SETD1B: variants seen among roughly 807,000 people sequenced by gnomAD.
SETD1B encodes histone-lysine N-methyltransferase SETD1B.
Under a neutral mutation model 148.0 loss-of-function variants are expected in SETD1B, and 7 were observed. The observed-to-expected ratio is 0.05, with a 90% CI of 0.03 to 0.09. The LOEUF is 0.09. Among genes scored for constraint, SETD1B ranks in the 10% least tolerant of loss-of-function variants. The pLI is 1.00. For missense variants in SETD1B, 2,155 were observed against 2,729.9 expected (o/e 0.79, Z 4.69); for synonymous variants, 1,361 against 1,186.5 (o/e 1.15, Z -3.02).
the SETD1B span, chr12:121,797,593 G>A: frequency 2.2e-6 from 1 of 456,578 alleles, no homozygotes; most frequent in Middle Eastern, 3.3e-4. Flanking sequence ...ACAGCTCACT[G>A]ATTGGATCCA....
intron 13 of SETD1B, among the ~76,000 whole-genome samples, chr12:121,826,724 C>T (rs557821492): frequency 9.9e-4 from 151 of 152,054 alleles, no homozygotes; most frequent in Non-Finnish European, 1.9e-3. Context: ...CCGGATGTGC[C>T]GGACTTAGCT....
intron 10 of SETD1B, 46 bp from the exon 11 acceptor site, chr12:121,819,358 G>A (rs1227530562): frequency 1.9e-6 from 3 of 1,549,418 alleles, no homozygotes; most frequent in South Asian, 1.2e-5. Flanking sequence ...GGGGGCTGGG[G>A]CACAGCGGGT....
chr12:121,825,221 A>T lies in SETD1B; in HGVS notation c.5192A>T (p.Lys1731Met). 6.4e-7 allele frequency: 1 copy of T among 1,551,640 alleles called. No individual in the cohort carries two copies. Among genetic ancestry groups the T allele is most frequent in the Non-Finnish European group, 8.7e-7 (1 of 1,146,996 alleles). ...YHPSTSLSSA[K>M]KKKRDDGIRE... ...CCACCCACCAGCCTCTCTTCAGCTA[A>T]GAAGAAGAAACGGGACGATGGCATC... The change falls in exon 13 of 17, where the codon AAG (lysine) becomes ATG (methionine). Residue 1731 changes from lysine to methionine, a missense_variant. Physicochemically the swap from Lys to Met is moderately conservative, Grantham distance 95. Around this residue, in one of 11 missense-constraint regions of SETD1B, gnomAD observed 96 missense variants for 148.7 expected, o/e 0.65. Coordinates refer to ENST00000604567, the MANE Select transcript of SETD1B (RefSeq NM_001353345.2).
rs1876672659 is a variant in SETD1B at position 121,823,327 on chromosome 12, C to T, written c.4748C>T (p.Pro1583Leu). The T allele has an allele frequency of 6.7e-7, 1 of 1,497,320 alleles. No individual in the cohort carries two copies. Among genetic ancestry groups the T allele is most frequent in the African/African-American group, 1.4e-5 (1 of 71,066 alleles). The allele number at this position is 1,497,320 out of a possible 1,614,324, so 92.8% of individuals were successfully genotyped here. The change falls in exon 12 of 17, where the codon CCA becomes CTA. Residue 1583 changes from proline to leucine, a missense_variant. Physicochemically the swap from Pro to Leu is moderately conservative, Grantham distance 98. Coordinates refer to ENST00000604567, the MANE Select transcript of SETD1B (RefSeq NM_001353345.2). ...DFRNAGIPAP[P>L]PPLPPQPPPP... The stretch of plus-strand genomic sequence containing the variant: ...CGGAACGCGGGGATCCCAGCCCCTC[C>T]ACCACCCCTTCCCCCCCAGCCACCC...
At position 121,819,609 on chromosome 12, in the gene SETD1B, C is replaced by G; in HGVS notation, c.3624C>G (p.Asp1208Glu). The G allele has an allele frequency of 6.4e-7, 1 of 1,552,068 alleles. No individual in the cohort carries two copies. Among genetic ancestry groups the G allele is most frequent in the Non-Finnish European group, 8.7e-7 (1 of 1,147,106 alleles). The stretch of plus-strand genomic sequence containing the variant: ...GCATGGCTTCTGCAGGCCCTGAGGA[C>G]TTTGAGCAGGACGGGGAGGAAGCGG... ...EESMASAGPE[D>E]FEQDGEEAAL... Residue 1208 changes from aspartate to glutamate, a missense_variant, in exon 11 of 17, where the codon GAC (aspartate) becomes GAG (glutamate). Transcript: ENST00000604567.
chr12:121,797,545 G>C, the SETD1B span: 1 of 456,458 alleles, frequency 2.2e-6, no homozygotes, highest in Non-Finnish European at 4.4e-6. Context: ...TCCCGACACC[G>C]TGCCGAGAAC....
Position 121,822,841 on chromosome 12 carries a change from G to A in SETD1B, c.4262G>A (p.Gly1421Asp), listed in dbSNP as rs944647487. The change falls in exon 12 of 17, where the codon GGC (glycine) becomes GAC (aspartate). Residue 1421 changes from glycine (G) to aspartate (D), a missense_variant. Physicochemically the swap from Gly to Asp is moderately conservative, Grantham distance 94 (BLOSUM62 -1). Around this residue, in one of 11 missense-constraint regions of SETD1B, gnomAD observed 862 missense variants for 873.8 expected, o/e 0.99. Coordinates refer to ENST00000604567, the MANE Select transcript of SETD1B (RefSeq NM_001353345.2). ...PAPSPSLSSG[G>D]LPRTPGRDFS... ...CCGTCCCCTAGCTTGAGCAGTGGGG[G>A]CCTCCCTCGGACACCTGGCCGGGAC... is the stretch of plus-strand genomic sequence containing the variant. 4.0e-6 allele frequency: 6 copies of A among 1,489,708 alleles called. No individual in the cohort carries two copies. The highest frequency in any genetic ancestry group is 5.4e-6 in the Non-Finnish European group (6 of 1,114,472). The allele number at this position is 1,489,708 out of a possible 1,614,324, so 92.3% of individuals were successfully genotyped here.
In SETD1B at chr12:121,817,776, C is replaced by T; in HGVS notation, c.3313-23C>T. The T allele has an allele frequency of 1.9e-6, 3 of 1,544,758 alleles. No homozygotes were observed. The highest frequency in any genetic ancestry group is 2.6e-6 in the Non-Finnish European group (3 of 1,143,090). On this transcript the variant is annotated intron_variant, in intron 9 of 16. Coordinates refer to ENST00000604567, the MANE Select transcript of SETD1B (RefSeq NM_001353345.2). The surrounding 1 kb of genome is among the most constrained non-coding windows in gnomAD (Gnocchi z 8.1). Reference sequence around the variant, plus strand: ...GGGCCAGACCCTTCGGCTCACCTGTCCCCACTCTTCCTTCTCCCCCAGGAT... The same window carrying T: ...GGGCCAGACCCTTCGGCTCACCTGTTCCCACTCTTCCTTCTCCCCCAGGAT...
In SETD1B at chr12:121,823,043, C is replaced by T. The variant is rs1030286586; in HGVS notation, c.4464C>T (p.Ala1488=). The T allele has an allele frequency of 6.6e-6, 10 of 1,517,022 alleles. No individual in the cohort carries two copies. Among genetic ancestry groups the T allele is most frequent in the Admixed American group, 6.0e-5 (3 of 49,656 alleles). 94.0% of individuals were successfully genotyped at this position (1,517,022 alleles called of 1,614,324 possible). The change falls in exon 12 of 17, where the codon GCC becomes GCT. Residue 1488 remains alanine, a synonymous_variant. Transcript: ENST00000604567. ...TGCCCTTGCCCTTGGCATTGCCCGC[C>T]GTCTTGCGGGCCCAGGCTCGTGCGC... ...LPLPLPLALP[A]VLRAQARAPT...
chr12:121,797,649 GGA>G, the SETD1B span: 1 of 455,662 alleles, frequency 2.2e-6, no homozygotes, highest in African/African-American at 2.0e-5. Flanking sequence ...CAGCTGGGAG[GGA>G]GACGTACATC....
intron 7 of SETD1B, among the ~76,000 whole-genome samples, chr12:121,815,426 C>T (rs1876245357): frequency 6.6e-6 from 1 of 151,342 alleles, no homozygotes; most frequent in Non-Finnish European, 1.5e-5. Flanking sequence ...AGACAGCTCA[C>T]AGCTGCGACT....
Position 121,823,738 on chromosome 12 carries a change from T to A in SETD1B, c.5159T>A (p.Val1720Asp). The A allele has an allele frequency of 6.5e-7, 1 of 1,549,610 alleles. No individual in the cohort carries two copies. The highest frequency in any genetic ancestry group is 1.2e-5 in the South Asian group (1 of 84,016). ...GACTGGCTTAACGACACGCTCTGGG[T>A]CTACCATCCCTATATCCTGCTGGCA... ...GMDWLNDTLW[V>D]YHPSTSLSSA... is the part of the protein sequence containing the mutation. Residue 1720 changes from valine to aspartate, a missense_variant, in exon 12 of 17, where the codon GTC (valine) becomes GAC (aspartate). Around this residue, in one of 11 missense-constraint regions of SETD1B, gnomAD observed 96 missense variants for 148.7 expected, o/e 0.65. Transcript: ENST00000604567.
chr12:121,793,037 C>G, the SETD1B span: 1 of 890,240 alleles, frequency 1.1e-6, no homozygotes, highest in Non-Finnish European at 1.7e-6. Flanking sequence ...GAGTGAAGAG[C>G]CGGCCAAGGC....
chr12:121,797,592 T>A, the SETD1B span: 4 of 456,352 alleles, frequency 8.8e-6, no homozygotes, highest in Non-Finnish European at 1.8e-5. Flanking sequence ...AACAGCTCAC[T>A]GATTGGATCC....
chr12:121,810,032 A>C lies in SETD1B; in HGVS notation c.1087A>C (p.Ser363Arg), dbSNP rs763727233. ...PFGAVGGTGG[S>R]SGPPFKAQPQ... is the part of the protein sequence containing the mutation. ...CGGAGCAGTCGGCGGCACTGGGGGCAGCAGCGGTCCCCCGTTCAAGGCTCA... is the reference window on the plus strand; with the variant it reads ...CGGAGCAGTCGGCGGCACTGGGGGCCGCAGCGGTCCCCCGTTCAAGGCTCA... Residue 363 changes from serine (S) to arginine (R), a missense_variant, in exon 6 of 17, where the codon AGC becomes CGC. By Grantham distance (110) the Ser-to-Arg change is moderately radical. This residue lies in a region of SETD1B where 376 missense variants were observed against 385.0 expected (regional missense o/e 0.98). Transcript: ENST00000604567. This position sits in a 1 kb window ranked among gnomAD's most constrained non-coding sequence, Gnocchi z 7.6. 3 of 1,550,368 alleles carry C rather than the reference A, an allele frequency of 1.9e-6. No individual in the cohort carries two copies. Among genetic ancestry groups the C allele is most frequent in the South Asian group, 1.2e-5 (1 of 84,058 alleles).
rs1016155458 is a variant in SETD1B, at chr12:121,823,553, C to A, written c.4974C>A (p.Gly1658=). The change falls in exon 12 of 17, where the codon GGC becomes GGA. Residue 1658 remains glycine (G), a synonymous_variant. Transcript: ENST00000604567. ...KRHEDLVPPA[G]SPELSPPQPL... ...ATGAGGACCTGGTGCCACCTGCGGG[C>A]TCGCCCGAACTCTCGCCACCCCAGC... is the stretch of plus-strand genomic sequence containing the variant. 2 of 1,551,014 alleles carry A rather than the reference C, an allele frequency of 1.3e-6. No individual in the cohort carries two copies. Among genetic ancestry groups the A allele is most frequent in the African/African-American group, 2.7e-5 (2 of 73,010 alleles).
intron 4 of SETD1B, among the ~76,000 whole-genome samples, chr12:121,806,464 C>T (rs1026452242): frequency 6.6e-5 from 10 of 152,146 alleles, no homozygotes; most frequent in Non-Finnish European, 1.5e-4. Context: ...AGTTTGTTTA[C>T]TTGTGGGGGA....
Position 121,805,051 on chromosome 12 carries a change from G to T in SETD1B, c.175-67G>T. 1 of 1,507,086 alleles carries T rather than the reference G, an allele frequency of 6.6e-7. No homozygotes were observed. Among genetic ancestry groups the T allele is most frequent in the South Asian group, 1.2e-5 (1 of 82,226 alleles). 93.4% of individuals were successfully genotyped at this position (1,507,086 alleles called of 1,614,324 possible). The stretch of plus-strand genomic sequence containing the variant: ...CCCTGGAGTTTGACAAGTGCCTCGA[G>T]AAAGGGGTCTGCCCATGGGGAGGGG... On this transcript the variant is annotated intron_variant, in intron 2 of 16. Coordinates refer to ENST00000604567, the MANE Select transcript of SETD1B (RefSeq NM_001353345.2). This position sits in a 1 kb window ranked among gnomAD's most constrained non-coding sequence, Gnocchi z 4.2.
At chr12:121,798,698 C>A in the SETD1B span, among the ~76,000 whole-genome samples, 1 of 152,202 alleles carries the variant, frequency 6.6e-6, no homozygotes, top group Non-Finnish European at 1.5e-5. Flanking sequence ...GTAGCCCTCA[C>A]AGCGGGAGTG....
Sources: gnomAD v4.1 joint callset for allele counts (sites outside exome capture counted in the v4.1 genomes callset) on GRCh38, gnomAD v4.1.1 for gene constraint, gnomAD v4.1.1 regional missense constraint, Gnocchi (gnomAD v3.1) non-coding constraint, MANE v1.5 for transcripts, NCBI Gene and HGNC (gene_info 2026-07-23, HGNC 2026-07-21) for gene names.